The following SLC18A2 variants were observed in gnomAD, a reference collection of about 807,000 sequenced individuals.
SLC18A2 encodes solute carrier family 18 member A2.
Under a neutral mutation model 59.2 loss-of-function variants are expected in SLC18A2, and 33 were observed. That is an observed-to-expected ratio of 0.56 (90% CI 0.42 to 0.75). The LOEUF (loss-of-function observed/expected upper bound fraction) is 0.75, where lower values mean the gene tolerates loss of function less well. SLC18A2 is among the 30% of genes least tolerant of loss of function. The pLI is 0.00. For synonymous variants in SLC18A2, 228 were observed against 253.5 expected, an observed-to-expected ratio of 0.90 and a Z score of 0.95; for missense variants, 569 against 668.6, an observed-to-expected ratio of 0.85 and a Z score of 1.64.
rs12781403 is a variant in SLC18A2, at chr10:117,261,225, A to C, written c.991+3333A>C. ...CAAAACAAAACAAAACAAAACAAAA[A>C]ACCCAAAAACAGCAACAAAAAAATT... On this transcript the variant is annotated intron_variant, in intron 10 of 15. Transcript: ENST00000644641. Among the ~76,000 whole-genome samples, 147 of 150,910 alleles carry C rather than the reference A, an allele frequency of 9.7e-4. 1 individual carries two copies. Among genetic ancestry groups the C allele is most frequent in the African/African-American group, 8.9e-4 (36 of 40,668 alleles).
In SLC18A2 at chr10:117,277,560, T is replaced by C. The variant is rs14240; in HGVS notation, c.*294T>C. On this transcript the variant is annotated 3_prime_UTR_variant, in exon 16 of 16. Coordinates refer to ENST00000644641, the MANE Select transcript of SLC18A2 (RefSeq NM_003054.6). ...TAGGTATTGTGTAAATCTATAAATA[T>C]TTGAATCCAAACCAAATATAATTTT... 0.47 allele frequency: 81,876 copies of C among 174,540 alleles called. 20,079 individuals are homozygous for C. Among genetic ancestry groups the C allele is most frequent in the East Asian group, 0.55 (3,795 of 6,856 alleles). The allele number at this position is 174,540 out of a possible 1,614,324, so 10.8% of individuals were successfully genotyped here. A position where few individuals can be genotyped will look rare whatever the true frequency, so the allele number is the denominator to read the frequency against.
intron 3 of SLC18A2, among the ~76,000 whole-genome samples, chr10:117,249,150 G>A (rs987386770): frequency 6.6e-6 from 1 of 152,230 alleles, no homozygotes; most frequent in East Asian, 1.9e-4. Flanking sequence ...TCTATGGACA[G>A]GGAAACCGGC....
In SLC18A2 at chr10:117,269,037, T is replaced by TAC. The variant is rs1565008694; in HGVS notation, c.1187-1028_1187-1027dup. Among the ~76,000 whole-genome samples the TAC allele has an allele frequency of 6.8e-6, 1 of 146,226 alleles. No individual in the cohort carries two copies. The highest frequency in any genetic ancestry group is 2.3e-4 in the South Asian group (1 of 4,392). On this transcript the variant is annotated intron_variant, in intron 13 of 15. Transcript: ENST00000644641. This position sits in a 1 kb window ranked among gnomAD's most constrained non-coding sequence, Gnocchi z 5.1. ...ACTGACACACGCATACACACACACA[T>TAC]ACACACATACACCCCCCACATAAAC...
At chr10:117,243,079 T>C (rs1210553692) in intron 2 of SLC18A2, among the ~76,000 whole-genome samples, 2 of 152,084 alleles carry the variant, frequency 1.3e-5, no homozygotes, top group Admixed American at 6.6e-5. Context: ...AATTCTTAAA[T>C]CTTACAAGTT....
chr10:117,262,111 T>C (rs1032826109), intron 10 of SLC18A2, among the ~76,000 whole-genome samples: 2 of 152,194 alleles, frequency 1.3e-5, no homozygotes, highest in Non-Finnish European at 2.9e-5. Context: ...TTCACTATCT[T>C]GGCCAGGCTA....
chr10:117,271,777 T>A (rs1227246748), intron 15 of SLC18A2, among the ~76,000 whole-genome samples: 3 of 152,192 alleles, frequency 2.0e-5, no homozygotes, highest in Non-Finnish European at 4.4e-5. Context: ...GCATCTTTGC[T>A]TGGCTGACCC....
At chr10:117,247,269 G>A (rs1844119320) in intron 3 of SLC18A2, among the ~76,000 whole-genome samples, 1 of 152,126 alleles carries the variant, frequency 6.6e-6, no homozygotes, top group Admixed American at 6.5e-5. Context: ...TTTTAAAATT[G>A]GTTAATATGT....
intron 10 of SLC18A2, among the ~76,000 whole-genome samples, chr10:117,264,881 CCA>C (rs1244251871): frequency 1.3e-5 from 2 of 152,170 alleles, no homozygotes; most frequent in Non-Finnish European, 2.9e-5. Context: ...TGGAGCTTGG[CCA>C]GACGCAGTTC....
rs1844355660 is a variant in SLC18A2, at chr10:117,266,995, C to T, written c.1082C>T (p.Ala361Val). Residue 361 changes from alanine (A) to valine (V), a missense_variant, in exon 12 of 16, where the codon GCT becomes GTT. Around this residue, in one of 2 missense-constraint regions of SLC18A2, gnomAD observed 192 missense variants for 278.8 expected, o/e 0.69. Transcript: ENST00000644641. ...TTTTCTTTTGGTAGGTGGCTTTGTG[C>T]TCTTCTGGGAATGATAATTGTTGGA... ...LAHKMGRWLC[A>V]LLGMIIVGVS... The T allele has an allele frequency of 6.2e-7, 1 of 1,613,396 alleles. No homozygotes were observed. The highest frequency in any genetic ancestry group is 8.5e-7 in the Non-Finnish European group (1 of 1,179,832).
chr10:117,269,348 GCATA>G lies in SLC18A2; in HGVS notation c.1187-720_1187-717del, dbSNP rs1589985328. Reference sequence around the variant, plus strand: ...ATATACATAATACACATACACACATGCATACACACATATACATAGACATACACAG... The same window carrying G: ...ATATACATAATACACATACACACATGCACACATATACATAGACATACACAG... On this transcript the variant is annotated intron_variant, in intron 13 of 15. Coordinates refer to ENST00000644641, the MANE Select transcript of SLC18A2 (RefSeq NM_003054.6). This position sits in a 1 kb window ranked among gnomAD's most constrained non-coding sequence, Gnocchi z 5.1. Among the ~76,000 whole-genome samples the G allele has an allele frequency of 6.9e-6, 1 of 145,120 alleles. No homozygotes were observed. Among genetic ancestry groups the G allele is most frequent in the Non-Finnish European group, 1.5e-5 (1 of 65,824 alleles).
At chr10:117,250,913 C>CACA (rs1452455236) in intron 3 of SLC18A2, among the ~76,000 whole-genome samples, 1 of 152,188 alleles carries the variant, frequency 6.6e-6, no homozygotes, top group East Asian at 1.9e-4. Flanking sequence ...GAACAGTGGG[C>CACA]ACAGTATGGC....
At chr10:117,248,742 C>G (rs943816537) in intron 3 of SLC18A2, among the ~76,000 whole-genome samples, 1 of 152,150 alleles carries the variant, frequency 6.6e-6, no homozygotes, top group Non-Finnish European at 1.5e-5. Context: ...AGTCAGGTAA[C>G]GATATGGCAT....
chr10:117,272,092 T>C (rs1844434288), intron 15 of SLC18A2, among the ~76,000 whole-genome samples: 2 of 152,142 alleles, frequency 1.3e-5, no homozygotes, highest in Non-Finnish European at 2.9e-5. Flanking sequence ...TTTCCTCCTC[T>C]GTTGCATGGA....
At chr10:117,277,111 T>A (rs1844507598) in intron 15 of SLC18A2, 51 bp from the exon 16 acceptor site, 1 of 1,058,346 alleles carries the variant, frequency 9.4e-7, no homozygotes, top group African/African-American at 1.6e-5. Flanking sequence ...TAAAACCATC[T>A]TATCTTTATG....
chr10:117,258,610 A>T lies in SLC18A2; in HGVS notation c.991+718A>T, dbSNP rs188267868. ...CAAAGTTACACATGTACATAATTGT[A>T]AGTCAAAGATAAAAGAATTATAAGG... is the stretch of plus-strand genomic sequence containing the variant. On this transcript the variant is annotated intron_variant, in intron 10 of 15. Coordinates refer to ENST00000644641, the MANE Select transcript of SLC18A2 (RefSeq NM_003054.6). Among the ~76,000 whole-genome samples the T allele has an allele frequency of 1.7e-3, 253 of 152,320 alleles. 1 individual carries two copies. Among genetic ancestry groups the T allele is most frequent in the Admixed American group, 3.7e-3 (56 of 15,298 alleles).
chr10:117,276,613 C>CAAAAAAAAAAAAA (rs1161850365), intron 15 of SLC18A2, among the ~76,000 whole-genome samples: 1 of 46,736 alleles, frequency 2.1e-5, no homozygotes, highest in Non-Finnish European at 3.6e-5. Context: ...GACTTCATCT[C>CAAAAAAAAAAAAA]AAAAAAAAAA....
chr10:117,250,132 G>A (rs1844146086), intron 3 of SLC18A2, among the ~76,000 whole-genome samples: 1 of 152,194 alleles, frequency 6.6e-6, no homozygotes, highest in South Asian at 2.1e-4. Flanking sequence ...CGAGGGGCCA[G>A]AAGAGTTTGA....
chr10:117,264,568 G>A (rs377444559), intron 10 of SLC18A2, among the ~76,000 whole-genome samples: 3 of 152,192 alleles, frequency 2.0e-5, no homozygotes, highest in Admixed American at 6.5e-5. Flanking sequence ...AGAGAGTGGC[G>A]TCTGCCTTCT....
Position 117,241,735 on chromosome 10 carries a change from G to C in SLC18A2, c.42G>C (p.Glu14Asp). The change falls in exon 2 of 16, where the codon GAG (glutamate) becomes GAC (aspartate). Residue 14 changes from glutamate (E) to aspartate (D), a missense_variant. Physicochemically the swap from Glu to Asp is conservative, Grantham distance 45 (BLOSUM62 2). Coordinates refer to ENST00000644641, the MANE Select transcript of SLC18A2 (RefSeq NM_003054.6). ...TGGCGCTGGTCCGCTGGCTGCAGGA[G>C]AGCCGCCGCTCGCGGAAGCTCATCC... ...SELALVRWLQ[E>D]SRRSRKLILF... is the part of the protein sequence containing the mutation. 6.2e-7 allele frequency: 1 copy of C among 1,608,362 alleles called. No individual in the cohort carries two copies. Among genetic ancestry groups the C allele is most frequent in the Non-Finnish European group, 8.5e-7 (1 of 1,178,314 alleles).
Sources: allele counts gnomAD v4.1 joint callset (sites outside exome capture counted in the v4.1 genomes callset), GRCh38; gene constraint gnomAD v4.1.1; regional missense constraint gnomAD v4.1.1; non-coding constraint Gnocchi (gnomAD v3.1); transcripts MANE v1.5; gene names NCBI Gene and HGNC (gene_info 2026-07-23, HGNC 2026-07-21).